The following MDH2 variants were observed in gnomAD, a reference collection of about 807,000 sequenced individuals.
The protein encoded by MDH2 is malate dehydrogenase, mitochondrial.
Under a neutral mutation model 33.6 loss-of-function variants are expected in MDH2, and 25 were observed. That is an observed-to-expected ratio of 0.74 (90% CI 0.54 to 1.04). The LOEUF (loss-of-function observed/expected upper bound fraction) is 1.04, where lower values mean the gene tolerates loss of function less well. Among genes scored for constraint, MDH2 ranks in the 50% least tolerant of loss-of-function variants. The probability of loss-of-function intolerance (pLI) is 0.00; values close to 1 mark genes in which losing one functional copy is unlikely to be tolerated. For missense variants in MDH2, 432 were observed against 445.0 expected, an observed-to-expected ratio of 0.97 and a Z score of 0.26; for synonymous variants, 193 against 188.7, an observed-to-expected ratio of 1.02 and a Z score of -0.19.
intron 1 of MDH2, among the ~76,000 whole-genome samples, chr7:76,053,547 AGAAACCCACTGG>A (rs1797681635): frequency 6.6e-6 from 1 of 152,228 alleles, no homozygotes. Context: ...TTTCCTGAGC[AGAAACCCACTGG>A]GTAAGCGTCT....
chr7:76,059,686 C>T (rs1360540934), intron 4 of MDH2, among the ~76,000 whole-genome samples: 4 of 152,156 alleles, frequency 2.6e-5, no homozygotes, highest in Non-Finnish European at 2.9e-5. Flanking sequence ...GCATGGATGC[C>T]AGCAGGCATG....
intron 4 of MDH2, chr7:76,058,300 C>T (rs75664145): frequency 9.1e-4 from 494 of 542,500 alleles, no homozygotes; most frequent in Non-Finnish European, 1.4e-3. Flanking sequence ...AGGGTTGTCA[C>T]AGCCAGCCTT....
At position 76,066,553 on chromosome 7, in the gene MDH2, CT is replaced by C; in HGVS notation, c.*144del. The stretch of plus-strand genomic sequence containing the variant: ...ATCATGCCTTCCAAATTGTGGGTGG[CT>C]CTGTGGGCGCATCAATAAAAGCCGT... On this transcript the variant is annotated 3_prime_UTR_variant, in exon 9 of 9. Transcript: ENST00000315758. 9.7e-7 allele frequency: 1 copy of C among 1,030,648 alleles called. No homozygotes were observed. Among genetic ancestry groups the C allele is most frequent in the Non-Finnish European group, 1.3e-6 (1 of 761,770 alleles). 63.8% of individuals were successfully genotyped at this position (1,030,648 alleles called of 1,614,324 possible). A position where few individuals can be genotyped will look rare whatever the true frequency, so the allele number is the denominator to read the frequency against.
chr7:76,058,993 G>A (rs1028933416), intron 4 of MDH2, among the ~76,000 whole-genome samples: 2 of 152,234 alleles, frequency 1.3e-5, no homozygotes, highest in Non-Finnish European at 2.9e-5. Flanking sequence ...GCCCAGGCCA[G>A]TGTGCAGTGG....
intron 7 of MDH2, 126 bp from the exon 8 acceptor site, chr7:76,064,676 G>A (rs1372663402): frequency 1.2e-5 from 13 of 1,115,614 alleles, no homozygotes; most frequent in South Asian, 3.2e-5. Context: ...ACAAGAAATC[G>A]GGGTGCTGAC....
At chr7:76,064,267 TG>T (rs1554587432) in intron 6 of MDH2, 71 bp from the exon 7 acceptor site, 3 of 1,111,746 alleles carry the variant, frequency 2.7e-6, no homozygotes, top group African/African-American at 1.6e-5. Context: ...TCGGGAATAG[TG>T]GGGGTGGGAG....
chr7:76,055,854 T>C (rs1258938475), intron 2 of MDH2, among the ~76,000 whole-genome samples: 1 of 143,374 alleles, frequency 7.0e-6, no homozygotes, highest in Non-Finnish European at 1.5e-5. Context: ...TTTGAGACCA[T>C]GTCTTCCTCT....
At chr7:76,052,527 C>G (rs1294021971) in intron 1 of MDH2, among the ~76,000 whole-genome samples, 3 of 150,876 alleles carry the variant, frequency 2.0e-5, no homozygotes, top group Non-Finnish European at 4.4e-5. Flanking sequence ...AACCACTGCC[C>G]TGGCTGAGTG....
At chr7:76,056,474 T>C (rs1554586297) in intron 2 of MDH2, among the ~76,000 whole-genome samples, 2 of 152,196 alleles carry the variant, frequency 1.3e-5, no homozygotes, top group African/African-American at 2.4e-5. Context: ...AAATTTTATG[T>C]TCGTGCACCT....
At chr7:76,065,218 A>G in intron 8 of MDH2, 1 of 367,238 alleles carries the variant, frequency 2.7e-6, no homozygotes, top group Non-Finnish European at 5.0e-6. Context: ...TTGACTGATA[A>G]GACACTCCAT....
intron 4 of MDH2, among the ~76,000 whole-genome samples, chr7:76,058,611 G>A (rs894865863): frequency 6.6e-6 from 1 of 152,206 alleles, no homozygotes; most frequent in Admixed American, 6.5e-5. Context: ...ACAACTCATA[G>A]TAAAACAATC....
chr7:76,064,984 G>C, intron 8 of MDH2, 31 bp downstream of exon 8: 1 of 1,612,376 alleles, frequency 6.2e-7, no homozygotes, highest in Non-Finnish European at 8.5e-7. Context: ...CCTTCTGACT[G>C]TGGAATAAGG....
chr7:76,060,568 G>T, intron 5 of MDH2, 70 bp downstream of exon 5: 1 of 1,585,434 alleles, frequency 6.3e-7, no homozygotes, highest in East Asian at 2.2e-5. Context: ...TCATTTACGG[G>T]CGTGGAAGAC....
rs782296128 is a variant in MDH2, at chr7:76,058,004, A to G, written c.355A>G (p.Thr119Ala). Residue 119 changes from threonine to alanine, a missense_variant, in exon 4 of 9, where the codon ACG becomes GCG. Coordinates refer to ENST00000315758, the MANE Select transcript of MDH2 (RefSeq NM_005918.4). Reference protein sequence around the residue: ...TRDDLFNTNATIVATLTAACA... With the variant: ...TRDDLFNTNAAIVATLTAACA... Reference sequence around the variant, plus strand: ...GGACGACCTGTTCAACACCAATGCCACGATTGTGGCCACCCTGACCGCTGC... The same window carrying G: ...GGACGACCTGTTCAACACCAATGCCGCGATTGTGGCCACCCTGACCGCTGC... 23 of 1,614,078 alleles carry G rather than the reference A, an allele frequency of 1.4e-5. No individual in the cohort carries two copies. The South Asian group carries it at 2.0e-4, about 14-fold the overall frequency.
intron 1 of MDH2, chr7:76,048,570 C>T (rs1370828465): frequency 2.3e-6 from 3 of 1,315,614 alleles, no homozygotes; most frequent in Non-Finnish European, 2.9e-6. Context: ...ACGTTTTTTT[C>T]TGCAGCGTTC....
chr7:76,060,623 T>C (rs1563550511), intron 5 of MDH2, 125 bp downstream of exon 5: 1 of 1,368,870 alleles, frequency 7.3e-7, no homozygotes, highest in African/African-American at 1.5e-5. Flanking sequence ...GTTTTAAATG[T>C]TTTTAGAGCT....
chr7:76,060,618 A>G, intron 5 of MDH2, 120 bp downstream of exon 5: 2 of 1,428,932 alleles, frequency 1.4e-6, no homozygotes, highest in South Asian at 2.8e-5. Context: ...TTGGGGTTTT[A>G]AATGTTTTTA....
At chr7:76,057,529 C>T (rs781986701) in intron 3 of MDH2, 36 bp downstream of exon 3, 15 of 1,589,220 alleles carry the variant, frequency 9.4e-6, no homozygotes, top group Admixed American at 5.1e-5. Flanking sequence ...TACCTCCCCA[C>T]GTGAAGATGT....
chr7:76,063,454 G>C, intron 5 of MDH2, 61 bp from the exon 6 acceptor site: 1 of 1,529,848 alleles, frequency 6.5e-7, no homozygotes, highest in Non-Finnish European at 9.1e-7. Flanking sequence ...GTGGGCAGCT[G>C]TGACATGTTT....
Sources: gnomAD v4.1 joint callset for allele counts (sites outside exome capture counted in the v4.1 genomes callset) on GRCh38, gnomAD v4.1.1 for gene constraint, MANE v1.5 for transcripts, NCBI Gene and HGNC (gene_info 2026-07-23, HGNC 2026-07-21) for gene names.